PTPRD: variants seen among roughly 807,000 people sequenced by gnomAD.
PTPRD encodes protein tyrosine phosphatase receptor type D, also known as receptor-type tyrosine-protein phosphatase delta.
A neutral mutation model predicts 214.5 loss-of-function variants in PTPRD; 34 were observed. That is an observed-to-expected ratio of 0.16 (90% CI 0.12 to 0.21). The LOEUF is 0.21. Among genes scored for constraint, PTPRD ranks in the 10% least tolerant of loss-of-function variants. The pLI is 1.00. For synonymous variants in PTPRD, 1,128 were observed against 845.7 expected, an observed-to-expected ratio of 1.33 and a Z score of -5.79; for missense variants, 2,545 against 2,398.7, an observed-to-expected ratio of 1.06 and a Z score of -1.27.
At chr9:9,828,454 G>C (rs889056584) in intron 5 of PTPRD, among the ~76,000 whole-genome samples, 1 of 152,074 alleles carries the variant, frequency 6.6e-6, no homozygotes, top group African/African-American at 2.4e-5. Flanking sequence ...TGAACAATGA[G>C]AACACATGGA....
chr9:8,766,245 A>T (rs567650344), intron 11 of PTPRD, among the ~76,000 whole-genome samples: 1 of 151,526 alleles, frequency 6.6e-6, no homozygotes, highest in Non-Finnish European at 1.5e-5. Context: ...GAGTGTGTGC[A>T]TACTCCCCAA....
chr9:9,592,593 TGTTAA>T (rs1382493303), intron 7 of PTPRD, among the ~76,000 whole-genome samples: 3 of 152,170 alleles, frequency 2.0e-5, no homozygotes, highest in South Asian at 4.1e-4. Context: ...TAGCCAACTC[TGTTAA>T]GTTGATACTC....
intron 2 of PTPRD, among the ~76,000 whole-genome samples, chr9:10,341,907 T>G (rs1400032889): frequency 6.6e-6 from 1 of 152,066 alleles, no homozygotes; most frequent in African/African-American, 2.4e-5. Context: ...TTAAGCAATC[T>G]TAGCAACTCA....
chr9:9,410,152 T>A (rs2074911434), intron 8 of PTPRD, among the ~76,000 whole-genome samples: 1 of 152,160 alleles, frequency 6.6e-6, no homozygotes, highest in South Asian at 2.1e-4. Flanking sequence ...CTTAGATAAG[T>A]GAAGTAGCCT....
chr9:8,952,388 G>A (rs999005252), intron 11 of PTPRD, among the ~76,000 whole-genome samples: 1 of 151,960 alleles, frequency 6.6e-6, no homozygotes, highest in Non-Finnish European at 1.5e-5. Flanking sequence ...GGAATGCACA[G>A]GGCAATTTTT....
chr9:9,211,266 T>C (rs1257308843), intron 9 of PTPRD, among the ~76,000 whole-genome samples: 1 of 152,148 alleles, frequency 6.6e-6, no homozygotes, highest in East Asian at 1.9e-4. Flanking sequence ...ATAGCCTAAT[T>C]ATTTACTGGC....
intron 2 of PTPRD, among the ~76,000 whole-genome samples, chr9:10,491,941 C>T (rs1188197182): frequency 6.6e-6 from 1 of 152,128 alleles, no homozygotes; most frequent in Admixed American, 6.6e-5. Flanking sequence ...TCAACTCCCA[C>T]TTATGAGTGA....
intron 12 of PTPRD, among the ~76,000 whole-genome samples, chr9:8,681,026 T>G (rs2154372391): frequency 6.6e-6 from 1 of 152,294 alleles, no homozygotes; most frequent in African/African-American, 2.4e-5. Flanking sequence ...ACAGTCACTT[T>G]TTGGTATTCC....
chr9:9,963,801 G>A (rs1751990629), intron 4 of PTPRD, among the ~76,000 whole-genome samples: 1 of 152,152 alleles, frequency 6.6e-6, no homozygotes, highest in South Asian at 2.1e-4. Flanking sequence ...AGGGTACCAT[G>A]CACTAACTCA....
rs116792410 is a variant in PTPRD at position 8,615,847 on chromosome 9, C to G, written c.352+17470G>C. Among the ~76,000 whole-genome samples, 730 of 152,070 alleles carry G rather than the reference C, an allele frequency of 4.8e-3. 3 individuals carry two copies. The highest frequency in any genetic ancestry group is 0.017 in the African/African-American group (707 of 41,524). On this transcript the variant is annotated intron_variant, in intron 14 of 45. Transcript: ENST00000381196. ...TTCTTGCATTCTAAAGAGATTTGTC[C>G]ATATATTTTCAACATGAAATCAATA...
At chr9:9,434,894 ATTC>A (rs1283171395) in intron 8 of PTPRD, among the ~76,000 whole-genome samples, 2 of 148,640 alleles carry the variant, frequency 1.3e-5, no homozygotes, top group African/African-American at 4.9e-5. Flanking sequence ...ATTATATAAT[ATTC>A]TTATCAGATA....
At chr9:9,710,585 A>G (rs1303323219) in intron 7 of PTPRD, among the ~76,000 whole-genome samples, 1 of 151,786 alleles carries the variant, frequency 6.6e-6, no homozygotes, top group Non-Finnish European at 1.5e-5. Context: ...CCATGCAAAG[A>G]TTTAATATCA....
chr9:8,528,528 G>C (rs2139443564), intron 15 of PTPRD, 63 bp downstream of exon 15: 2 of 1,331,276 alleles, frequency 1.5e-6, no homozygotes, highest in Non-Finnish European at 2.1e-6. Context: ...TAAAAATAAG[G>C]AGAGAGAAAA....
intron 7 of PTPRD, among the ~76,000 whole-genome samples, chr9:9,719,320 A>T (rs753631959): frequency 1.3e-5 from 2 of 152,134 alleles, no homozygotes; most frequent in African/African-American, 2.4e-5. Context: ...TGGACATGGG[A>T]CAAGAACTCA....
chr9:10,033,408 AAT>A (rs1250025597), intron 4 of PTPRD, among the ~76,000 whole-genome samples: 2 of 151,748 alleles, frequency 1.3e-5, no homozygotes, highest in Non-Finnish European at 2.9e-5. Context: ...CCAAGGTGTC[AAT>A]ATATATAATA....
chr9:9,718,800 G>C (rs2097881015), intron 7 of PTPRD, among the ~76,000 whole-genome samples: 1 of 152,186 alleles, frequency 6.6e-6, no homozygotes, highest in Admixed American at 6.5e-5. Context: ...CTAAAACTTT[G>C]GGTGCCAACA....
chr9:9,189,634 A>G (rs975733445), intron 9 of PTPRD, among the ~76,000 whole-genome samples: 1 of 152,064 alleles, frequency 6.6e-6, no homozygotes, highest in Admixed American at 6.6e-5. Context: ...ACTATACTGA[A>G]AAAGCAGAAG....
At chr9:10,469,334 T>C (rs930308509) in intron 2 of PTPRD, among the ~76,000 whole-genome samples, 1 of 152,146 alleles carries the variant, frequency 6.6e-6, no homozygotes, top group Non-Finnish European at 1.5e-5. Flanking sequence ...CTATCAGGTG[T>C]ATGGCAAAAA....
At chr9:10,118,094 C>T (rs1006788256) in intron 3 of PTPRD, among the ~76,000 whole-genome samples, 2 of 151,848 alleles carry the variant, frequency 1.3e-5, no homozygotes, top group African/African-American at 2.4e-5. Flanking sequence ...GGTACCAGAG[C>T]TAGTAAAGTC....
Sources: gnomAD v4.1 joint callset for allele counts (sites outside exome capture counted in the v4.1 genomes callset) on GRCh38, gnomAD v4.1.1 for gene constraint, MANE v1.5 for transcripts, NCBI Gene and HGNC (gene_info 2026-07-23, HGNC 2026-07-21) for gene names.